FBXO30: variants seen among roughly 807,000 people sequenced by gnomAD.
FBXO30 encodes the protein F-box only protein 30.
In FBXO30, 21 loss-of-function variants were observed where a neutral mutation model predicts 58.1. That is an observed-to-expected ratio of 0.36 (90% CI 0.26 to 0.52). FBXO30 has a LOEUF of 0.52. Among genes scored for constraint, FBXO30 ranks in the 20% least tolerant of loss-of-function variants. The probability of loss-of-function intolerance (pLI) is 0.93; values close to 1 mark genes in which losing one functional copy is unlikely to be tolerated. For synonymous variants in FBXO30, 309 were observed against 312.4 expected (o/e 0.99, Z 0.11); for missense variants, 744 against 897.3 (o/e 0.83, Z 2.18).
intron 1 of FBXO30, among the ~76,000 whole-genome samples, 198 bp from the exon 2 acceptor site, chr6:145,806,619 ACAATT>A (rs1452345245): frequency 6.6e-6 from 1 of 152,218 alleles, no homozygotes; most frequent in Non-Finnish European, 1.5e-5. Flanking sequence ...CATTCTAGTA[ACAATT>A]CAATACTGTA....
rs538239334 is a variant in FBXO30 at position 145,806,646 on chromosome 6, C to T, written c.-16-225G>A. ...AATTCAATACTGTAGAATGTCATAA[C>T]GGTTCATTTTTATATACTATATAAC... On this transcript the variant is annotated intron_variant, in intron 1 of 2. Coordinates refer to ENST00000237281, the MANE Select transcript of FBXO30 (RefSeq NM_032145.5). 9.2e-5 allele frequency among the ~76,000 whole-genome samples: 14 copies of T among 152,180 alleles called. No homozygotes were observed. In the South Asian group the frequency reaches 1.2e-3, roughly 14 times the overall value.
At position 145,805,178 on chromosome 6, in the gene FBXO30, C is replaced by A. The variant is rs1778125521; in HGVS notation, c.1228G>T (p.Asp410Tyr). 1 of 1,614,090 alleles carries A rather than the reference C, an allele frequency of 6.2e-7. No homozygotes were observed. The change falls in exon 2 of 3, where the codon GAT becomes TAT. Residue 410 changes from aspartate to tyrosine, a missense_variant. Around this residue, in one of 3 missense-constraint regions of FBXO30, gnomAD observed 334 missense variants for 433.7 expected, o/e 0.77. Coordinates refer to ENST00000237281, the MANE Select transcript of FBXO30 (RefSeq NM_032145.5). ...PKEDKAVDTS[D>Y]LEVAEDPMGL... ...ATAGGATCTTCTGCAACTTCCAAAT[C>A]TGATGTATCTACTGCTTTATCTTCC...
rs1397829802 is a variant in FBXO30 at position 145,814,638 on chromosome 6, C to T, written c.-52G>A. On this transcript the variant is annotated 5_prime_UTR_variant, in exon 1 of 3. Transcript: ENST00000237281. ...GGCCGAACCGCGGCCCAGGCCCTAG[C>T]TGCCCTGGACGCCGTGCCCAGCTGC... is the stretch of plus-strand genomic sequence containing the variant. 1.3e-5 allele frequency: 2 copies of T among 152,210 alleles called. No individual in the cohort carries two copies. The highest frequency in any genetic ancestry group is 6.5e-5 in the Admixed American group (1 of 15,272). 9.4% of individuals were successfully genotyped at this position (152,210 alleles called of 1,614,324 possible).
rs1778128845 is a variant in FBXO30 at position 145,805,278 on chromosome 6, C to G, written c.1128G>C (p.Lys376Asn). The stretch of plus-strand genomic sequence containing the variant: ...GACTGAAAGATAAGACATCCACATT[C>G]TTCACGTCCCCTAAGTCTACTTTTT... ...CWKKVDLGDV[K>N]NVDVLSFSHA... Residue 376 changes from lysine (K) to asparagine (N), a missense_variant, in exon 2 of 3, where the codon AAG (lysine) becomes AAC (asparagine). Around this residue, in one of 3 missense-constraint regions of FBXO30, gnomAD observed 275 missense variants for 262.0 expected, o/e 1.05. Transcript: ENST00000237281. 1 of 1,614,074 alleles carries G rather than the reference C, an allele frequency of 6.2e-7. No homozygotes were observed. The highest frequency in any genetic ancestry group is 8.5e-7 in the Non-Finnish European group (1 of 1,179,962).
At chr6:145,802,375 T>A (rs973783503) in intron 2 of FBXO30, among the ~76,000 whole-genome samples, 1 of 152,124 alleles carries the variant, frequency 6.6e-6, no homozygotes, top group Non-Finnish European at 1.5e-5. Flanking sequence ...GTACAGTGGA[T>A]TATATAAGTT....
intron 1 of FBXO30, among the ~76,000 whole-genome samples, chr6:145,807,431 T>C (rs1445828823): frequency 6.6e-6 from 1 of 152,178 alleles, no homozygotes; most frequent in African/African-American, 2.4e-5. Flanking sequence ...AAGCATGAAT[T>C]AGCAAAACCT....
In FBXO30 at chr6:145,793,682, A is replaced by G. The variant is rs1777813035; in HGVS notation, c.*6424T>C. ...ATTGGGATGTGCCACAAGGAATCATAATAAATTTCAAAAGATAAAAAATAA... is the reference window on the plus strand; with the variant it reads ...ATTGGGATGTGCCACAAGGAATCATGATAAATTTCAAAAGATAAAAAATAA... On this transcript the variant is annotated 3_prime_UTR_variant, in exon 3 of 3. Coordinates refer to ENST00000237281, the MANE Select transcript of FBXO30 (RefSeq NM_032145.5). 1 of 152,096 alleles carries G rather than the reference A, an allele frequency of 6.6e-6. No individual in the cohort carries two copies. 9.4% of individuals were successfully genotyped at this position (152,096 alleles called of 1,614,324 possible). A position where few individuals can be genotyped will look rare whatever the true frequency, so the allele number is the denominator to read the frequency against.
chr6:145,811,576 G>C (rs1353448347), intron 1 of FBXO30, among the ~76,000 whole-genome samples: 1 of 152,140 alleles, frequency 6.6e-6, no homozygotes, highest in Non-Finnish European at 1.5e-5. Flanking sequence ...GAAAAATAAT[G>C]AATATAGAAG....
chr6:145,808,813 G>A (rs1463484062), intron 1 of FBXO30, among the ~76,000 whole-genome samples: 1 of 152,178 alleles, frequency 6.6e-6, no homozygotes, highest in East Asian at 1.9e-4. Flanking sequence ...CAGTGCGTAA[G>A]AGATTATTAA....
At chr6:145,807,920 G>A (rs1162549362) in intron 1 of FBXO30, among the ~76,000 whole-genome samples, 2 of 151,896 alleles carry the variant, frequency 1.3e-5, no homozygotes, top group African/African-American at 4.8e-5. Context: ...TTGAGGCCTG[G>A]AGTTCAAGAC....
intron 1 of FBXO30, among the ~76,000 whole-genome samples, chr6:145,812,401 T>G (rs1374172031): frequency 6.6e-6 from 1 of 152,094 alleles, no homozygotes; most frequent in Non-Finnish European, 1.5e-5. Flanking sequence ...CCTATTTGAG[T>G]TGATACTCAG....
intron 2 of FBXO30, 60 bp from the exon 3 acceptor site, chr6:145,800,369 T>C: frequency 2.2e-6 from 3 of 1,394,272 alleles, no homozygotes; most frequent in Non-Finnish European, 3.0e-6. Flanking sequence ...CAAAACACAC[T>C]TTTTGCTCCT....
In FBXO30 at chr6:145,793,818, T is replaced by G. The variant is rs987866264; in HGVS notation, c.*6288A>C. The G allele has an allele frequency of 1.3e-5, 2 of 152,068 alleles. No homozygotes were observed. Among genetic ancestry groups the G allele is most frequent in the African/African-American group, 4.8e-5 (2 of 41,452 alleles). 9.4% of individuals were successfully genotyped at this position (152,068 alleles called of 1,614,324 possible). ...GTCAGGAGTACTTCTATGATGGGATTCACAAATTTTACTAGAACTTTAAGC... is the reference window on the plus strand; with the variant it reads ...GTCAGGAGTACTTCTATGATGGGATGCACAAATTTTACTAGAACTTTAAGC... On this transcript the variant is annotated 3_prime_UTR_variant, in exon 3 of 3. Coordinates refer to ENST00000237281, the MANE Select transcript of FBXO30 (RefSeq NM_032145.5).
chr6:145,805,688 A>T lies in FBXO30; in HGVS notation c.718T>A (p.Tyr240Asn). 6.2e-7 allele frequency: 1 copy of T among 1,614,064 alleles called. No homozygotes were observed. Among genetic ancestry groups the T allele is most frequent in the Non-Finnish European group, 8.5e-7 (1 of 1,179,976 alleles). The change falls in exon 2 of 3, where the codon TAT becomes AAT. Residue 240 changes from tyrosine (Y) to asparagine (N), a missense_variant. By Grantham distance (143) the Tyr-to-Asn change is moderately radical. Around this residue, in one of 3 missense-constraint regions of FBXO30, gnomAD observed 275 missense variants for 262.0 expected, o/e 1.05. Transcript: ENST00000237281. ...CCTACTGCTCCTATTTCCTCCTCATAAAGATGATCTTGGTCTTTCAAGTTT... is the reference window on the plus strand; with the variant it reads ...CCTACTGCTCCTATTTCCTCCTCATTAAGATGATCTTGGTCTTTCAAGTTT... ...DQNLKDQDHL[Y>N]EEEIGAVGGI... is the part of the protein sequence containing the mutation.
Sources: allele counts gnomAD v4.1 joint callset (sites outside exome capture counted in the v4.1 genomes callset), GRCh38; gene constraint gnomAD v4.1.1; regional missense constraint gnomAD v4.1.1; transcripts MANE v1.5; gene names NCBI Gene and HGNC (gene_info 2026-07-23, HGNC 2026-07-21).